Variants in PACRG observed in about 807,000 individuals in gnomAD.
PACRG encodes parkin coregulated gene protein.
In PACRG, 29 loss-of-function variants were observed where a neutral mutation model predicts 29.7. That is an observed-to-expected ratio of 0.98 (90% CI 0.73 to 1.33). The LOEUF (loss-of-function observed/expected upper bound fraction) is 1.33. Among genes scored for constraint, PACRG ranks in the 40% most tolerant of loss-of-function variants. The pLI is 0.00. For synonymous variants in PACRG, 116 were observed against 118.7 expected (o/e 0.98, Z 0.15); for missense variants, 279 against 316.2 (o/e 0.88, Z 0.89).
At chr6:162,791,631 C>T (rs186385222) in intron 1 of PACRG, among the ~76,000 whole-genome samples, 25 of 152,272 alleles carry the variant, frequency 1.6e-4, no homozygotes, top group Admixed American at 9.8e-4. Flanking sequence ...TGTCACTTGT[C>T]TTAGTCTTCC....
At chr6:163,226,213 C>T (rs940362619) in intron 4 of PACRG, among the ~76,000 whole-genome samples, 4 of 152,212 alleles carry the variant, frequency 2.6e-5, no homozygotes, top group Non-Finnish European at 5.9e-5. Flanking sequence ...GGAAGGAAAG[C>T]GGATTGGGAG....
intron 2 of PACRG, among the ~76,000 whole-genome samples, chr6:162,900,979 C>A (rs1254924185): frequency 1.3e-5 from 2 of 152,216 alleles, no homozygotes; most frequent in Non-Finnish European, 2.9e-5. Flanking sequence ...ATCTTATTTG[C>A]TTCAGCATCT....
chr6:162,833,373 T>C (rs971163869), intron 2 of PACRG, among the ~76,000 whole-genome samples: 3 of 152,194 alleles, frequency 2.0e-5, no homozygotes, highest in African/African-American at 4.8e-5. Flanking sequence ...GAGAAGATAT[T>C]ACCAACACTT....
intron 4 of PACRG, chr6:163,190,855 G>T: frequency 4.8e-6 from 2 of 413,926 alleles, no homozygotes; most frequent in Non-Finnish European, 9.7e-6. Context: ...TACTTCCCTC[G>T]TGTTCTGTCT....
intron 2 of PACRG, among the ~76,000 whole-genome samples, chr6:162,890,905 G>A (rs904192571): frequency 2.0e-5 from 3 of 152,130 alleles, no homozygotes; most frequent in African/African-American, 7.2e-5. Context: ...GCCCAGAAAG[G>A]GAGGCAGCTT....
chr6:163,264,406 T>C (rs1050279100), intron 4 of PACRG, among the ~76,000 whole-genome samples: 3 of 152,200 alleles, frequency 2.0e-5, no homozygotes, highest in Non-Finnish European at 4.4e-5. Flanking sequence ...TACACACTGC[T>C]CTGGGCTAGT....
chr6:163,285,308 C>G (rs1784361171), intron 4 of PACRG, among the ~76,000 whole-genome samples: 1 of 152,108 alleles, frequency 6.6e-6, no homozygotes, highest in African/African-American at 2.4e-5. Flanking sequence ...CTGTCTCCTT[C>G]CTTGTTCGTC....
At chr6:162,781,563 A>C (rs1011218615) in intron 1 of PACRG, among the ~76,000 whole-genome samples, 2 of 151,886 alleles carry the variant, frequency 1.3e-5, no homozygotes, top group African/African-American at 4.8e-5. Flanking sequence ...AAAAATTACA[A>C]TGTAATAAGG....
chr6:163,193,932 A>C, intron 4 of PACRG, among the ~76,000 whole-genome samples: 1 of 136,422 alleles, frequency 7.3e-6, no homozygotes. Context: ...TCATTCTGTC[A>C]CCCAGGCTGG....
intron 1 of PACRG, among the ~76,000 whole-genome samples, chr6:162,796,133 T>C (rs944450133): frequency 5.3e-5 from 8 of 152,196 alleles, no homozygotes; most frequent in African/African-American, 1.9e-4. Context: ...AGTACAGCAA[T>C]AGAGGACATC....
At chr6:163,292,274 C>T (rs1280385285) in intron 4 of PACRG, among the ~76,000 whole-genome samples, 1 of 152,168 alleles carries the variant, frequency 6.6e-6, no homozygotes, top group African/African-American at 2.4e-5. Context: ...TGGCAAGACC[C>T]AACTCTTTTG....
chr6:163,177,542 G>C (rs1018857741), intron 4 of PACRG, among the ~76,000 whole-genome samples: 1 of 152,004 alleles, frequency 6.6e-6, no homozygotes, highest in Non-Finnish European at 1.5e-5. Context: ...GCTCCAGGCT[G>C]TGGAGGGTTT....
At chr6:163,298,695 A>G (rs1416035457) in intron 4 of PACRG, among the ~76,000 whole-genome samples, 2 of 152,218 alleles carry the variant, frequency 1.3e-5, no homozygotes, top group Non-Finnish European at 2.9e-5. Context: ...TCCACTCCAT[A>G]GCTATTAAAC....
chr6:162,996,834 T>C lies in PACRG; in HGVS notation c.292-65316T>C, dbSNP rs372905894. Among the ~76,000 whole-genome samples the C allele has an allele frequency of 1.2e-4, 19 of 152,256 alleles. No individual in the cohort carries two copies. The East Asian group carries it at 2.9e-3, about 23-fold the overall frequency. On this transcript the variant is annotated intron_variant, in intron 2 of 4. Transcript: ENST00000366888. ...CTTTTCTACCAAGAGCACACATTAC[T>C]CTTAAAACTAGAGTTTTTTAGAAAA...
At chr6:163,162,897 C>T (rs984304260) in intron 4 of PACRG, among the ~76,000 whole-genome samples, 3 of 151,822 alleles carry the variant, frequency 2.0e-5, no homozygotes, top group African/African-American at 7.3e-5. Context: ...TTCGGTAGCA[C>T]AGTAGGGTTG....
At chr6:162,780,232 C>A (rs1783992641) in intron 1 of PACRG, among the ~76,000 whole-genome samples, 1 of 152,026 alleles carries the variant, frequency 6.6e-6, no homozygotes, top group South Asian at 2.1e-4. Flanking sequence ...TTTCAAGGGG[C>A]ATTGAGTAGA....
chr6:163,275,532 T>C (rs1457734816), intron 4 of PACRG, among the ~76,000 whole-genome samples: 1 of 152,230 alleles, frequency 6.6e-6, no homozygotes, highest in Non-Finnish European at 1.5e-5. Flanking sequence ...TTTAGACTTT[T>C]TATTTGAAGA....
At chr6:162,747,427 T>C (rs1338652120) in intron 1 of PACRG, among the ~76,000 whole-genome samples, 1 of 102,606 alleles carries the variant, frequency 9.7e-6, no homozygotes, top group African/African-American at 4.2e-5. Flanking sequence ...ACTATAAATA[T>C]ATATGTAAAA....
chr6:162,897,065 C>T (rs528212246), intron 2 of PACRG, among the ~76,000 whole-genome samples: 114 of 152,214 alleles, frequency 7.5e-4, no homozygotes, highest in African/African-American at 2.5e-3. Flanking sequence ...AAGGAACTAA[C>T]GATAAACTTG....
Sources: allele counts gnomAD v4.1 joint callset (sites outside exome capture counted in the v4.1 genomes callset), GRCh38; gene constraint gnomAD v4.1.1; transcripts MANE v1.5; gene names NCBI Gene and HGNC (gene_info 2026-07-23, HGNC 2026-07-21).